The following C17orf99 variants were observed in gnomAD, a reference collection of about 807,000 sequenced individuals.
C17orf99 encodes chromosome 17 open reading frame 99.
A neutral mutation model predicts 22.6 loss-of-function variants in C17orf99; 18 were observed. That is an observed-to-expected ratio of 0.80 (90% CI 0.55 to 1.18). The LOEUF is 1.18. Among genes scored for constraint, C17orf99 ranks in the 50% most tolerant of loss-of-function variants. The pLI, the probability that C17orf99 is intolerant of heterozygous loss-of-function variation, is 0.00. For missense variants in C17orf99, 328 were observed against 342.7 expected, an observed-to-expected ratio of 0.96 and a Z score of 0.34; for synonymous variants, 147 against 136.6, an observed-to-expected ratio of 1.08 and a Z score of -0.53.
At chr17:78,164,856 T>G in intron 4 of C17orf99, 2 of 1,192,528 alleles carry the variant, frequency 1.7e-6, no homozygotes, top group South Asian at 3.2e-5. Flanking sequence ...ATGTGCCTAC[T>G]GAGGCTTACA....
chr17:78,166,023 G>A lies in C17orf99; in HGVS notation c.775G>A (p.Gly259Arg), dbSNP rs1234599044. 3.5e-6 allele frequency: 5 copies of A among 1,421,618 alleles called. No individual in the cohort carries two copies. The highest frequency in any genetic ancestry group is 2.4e-5 in the Admixed American group (1 of 41,728). The allele number at this position is 1,421,618 out of a possible 1,614,324, so 88.1% of individuals were successfully genotyped here. The change falls in exon 5 of 5, where the codon GGA (glycine) becomes AGA (arginine). Residue 259 changes from glycine (G) to arginine (R), a missense_variant. Transcript: ENST00000340363. ...GFRIGNGEVR[G>R]RKAAAM ...CAGGATAGGGAATGGGGAGGTCAGA[G>A]GACGCAAAGCAGCAGCCATGTAGAA...
intron 2 of C17orf99, among the ~76,000 whole-genome samples, chr17:78,147,276 C>T (rs772154378): frequency 8.5e-5 from 13 of 152,160 alleles, no homozygotes; most frequent in Non-Finnish European, 1.0e-4. Flanking sequence ...CAGCTCTGCC[C>T]GGTGGGCGAG....
intron 4 of C17orf99, chr17:78,165,421 T>A: frequency 1.0e-6 from 1 of 985,552 alleles, no homozygotes; most frequent in Non-Finnish European, 1.2e-6. Context: ...TTTTTCCTTC[T>A]GTAAAATGGG....
chr17:78,164,422 C>G, intron 4 of C17orf99, 58 bp downstream of exon 4: 1 of 1,550,660 alleles, frequency 6.4e-7, no homozygotes, highest in South Asian at 1.2e-5. Context: ...CGGGAGGGTG[C>G]TAGTGTCCAA....
In C17orf99 at chr17:78,146,851, C is replaced by T; in HGVS notation, c.38-28C>T. The stretch of plus-strand genomic sequence containing the variant: ...TGGTCTCCCCTCCACACCAGGCCCT[C>T]TCCTTATCGCCCTTACCTCTCTTAC... On this transcript the variant is annotated intron_variant, in intron 1 of 4. Coordinates refer to ENST00000340363, the MANE Select transcript of C17orf99 (RefSeq NM_001163075.2). The surrounding 1 kb of genome is among the most constrained non-coding windows in gnomAD (Gnocchi z 5.2). 1 of 1,550,674 alleles carries T rather than the reference C, an allele frequency of 6.4e-7. No individual in the cohort carries two copies. The highest frequency in any genetic ancestry group is 1.2e-5 in the South Asian group (1 of 84,016).
intron 2 of C17orf99, among the ~76,000 whole-genome samples, chr17:78,147,732 C>G (rs925428671): frequency 6.6e-6 from 1 of 152,168 alleles, no homozygotes; most frequent in South Asian, 2.1e-4. Context: ...GTAATGATGA[C>G]GCCATTCTCA....
chr17:78,145,791 TC>T (rs1419693251), upstream of C17orf99, among the ~76,000 whole-genome samples: 2 of 142,542 alleles, frequency 1.4e-5, no homozygotes, highest in African/African-American at 2.6e-5. Flanking sequence ...AGCGTGGACA[TC>T]TTTTTTTTTT....
Position 78,164,112 on chromosome 17 carries a change from C to CG in C17orf99, c.391dup (p.Ala131GlyfsTer86), listed in dbSNP as rs1162593294. The CG allele has an allele frequency of 6.4e-5, 100 of 1,551,698 alleles. No individual in the cohort carries two copies. The highest frequency in any genetic ancestry group is 8.5e-5 in the Non-Finnish European group (98 of 1,147,002). On this transcript the variant is annotated frameshift_variant, in exon 4 of 5. Transcript: ENST00000340363. LOFTEE classifies it high-confidence loss of function. ...CCTGCCAGAGCCAGTGTCTGAGCTG[C>CG]GGGCCAACTTCACTCTGCAGGACAG...
intron 4 of C17orf99, chr17:78,165,561 G>C (rs1018819879): frequency 1.3e-5 from 13 of 990,304 alleles, no homozygotes; most frequent in African/African-American, 1.7e-5. Flanking sequence ...TCAGCACTTT[G>C]GGAGGCTGAG....
chr17:78,161,126 C>T lies in C17orf99; in HGVS notation c.242C>T (p.Ala81Val). The T allele has an allele frequency of 1.3e-6, 2 of 1,551,808 alleles. No individual in the cohort carries two copies. The highest frequency in any genetic ancestry group is 1.2e-5 in the South Asian group (1 of 84,068). Residue 81 changes from alanine (A) to valine (V), a missense_variant, in exon 3 of 5, where the codon GCC (alanine) becomes GTC (valine). By Grantham distance (64) the Ala-to-Val change is moderately conservative. Transcript: ENST00000340363. ...AKKVVKTHEP[A>V]SFNLNVTLKS... Reference sequence around the variant, plus strand: ...AAGGTGGTGAAGACCCACGAGCCGGCCTCCTTCAACCTCAACGTCACACTC... The same window carrying T: ...AAGGTGGTGAAGACCCACGAGCCGGTCTCCTTCAACCTCAACGTCACACTC...
intron 3 of C17orf99, among the ~76,000 whole-genome samples, chr17:78,162,764 G>C (rs1201375603): frequency 1.3e-5 from 2 of 152,198 alleles, no homozygotes; most frequent in Non-Finnish European, 2.9e-5. Context: ...GGACCACAGA[G>C]TGATACTCTG....
chr17:78,157,463 G>T, intron 2 of C17orf99: 1 of 1,310,496 alleles, frequency 7.6e-7, no homozygotes, highest in Non-Finnish European at 1.0e-6. Context: ...GAGATGCAGG[G>T]CCTCAGCGAC....
At chr17:78,165,854 G>T in intron 4 of C17orf99, 35 bp from the exon 5 acceptor site, 1 of 1,291,208 alleles carries the variant, frequency 7.7e-7, no homozygotes, top group Non-Finnish European at 9.9e-7. Flanking sequence ...TGGGAGGTGA[G>T]CCTGCCTGAC....
rs75943924 is a variant in C17orf99 at position 78,164,057 on chromosome 17, C to T, written c.371-38C>T. 5.5e-5 allele frequency: 84 copies of T among 1,525,348 alleles called. No individual in the cohort carries two copies. In the African/African-American group the frequency reaches 8.5e-4, roughly 15 times the overall value. 94.5% of individuals were successfully genotyped at this position (1,525,348 alleles called of 1,614,324 possible). A position where few individuals can be genotyped will look rare whatever the true frequency, so the allele number is the denominator to read the frequency against. ...ACTGAGGAGGAGGGGTTTAAAACCG[C>T]TCAGCCATGCCTGTGCTACCTTCTC... On this transcript the variant is annotated intron_variant, in intron 3 of 4. Transcript: ENST00000340363.
Position 78,146,757 on chromosome 17 carries a change from G to T in C17orf99, c.38-122G>T, listed in dbSNP as rs1163997254. The T allele has an allele frequency of 1.1e-6, 1 of 935,680 alleles. No homozygotes were observed. Among genetic ancestry groups the T allele is most frequent in the Non-Finnish European group, 1.7e-6 (1 of 596,598 alleles). The allele number at this position is 935,680 out of a possible 1,614,324, so 58.0% of individuals were successfully genotyped here. On this transcript the variant is annotated intron_variant, in intron 1 of 4. Transcript: ENST00000340363. This position sits in a 1 kb window ranked among gnomAD's most constrained non-coding sequence, Gnocchi z 5.2. ...GAGTGATGGTGCCAGCTGAGTCCTG[G>T]GGCCTCACTACCAAGAATCAGCCTG...
upstream of C17orf99, chr17:78,146,337 C>T: frequency 7.0e-7 from 1 of 1,428,532 alleles, no homozygotes; most frequent in Non-Finnish European, 9.6e-7. This position sits in a 1 kb window ranked among gnomAD's most constrained non-coding sequence, Gnocchi z 5.2. Flanking sequence ...ATCCCAGGGG[C>T]CTCAGGGTGG....
rs1460799915 is a variant in C17orf99 at position 78,164,258 on chromosome 17, G to T, written c.534G>T (p.Gln178His). 1 of 1,551,500 alleles carries T rather than the reference G, an allele frequency of 6.4e-7. No individual in the cohort carries two copies. Among genetic ancestry groups the T allele is most frequent in the South Asian group, 1.2e-5 (1 of 84,070 alleles). Residue 178 changes from glutamine to histidine, a missense_variant, in exon 4 of 5, where the codon CAG becomes CAT. Physicochemically the swap from Gln to His is conservative, Grantham distance 24. Transcript: ENST00000340363. Reference sequence around the variant, plus strand: ...TGCAGCAGAGACCATGCCACAGGCAGCCTGCCAACTTCTCCTTCCTGCCGA... The same window carrying T: ...TGCAGCAGAGACCATGCCACAGGCATCCTGCCAACTTCTCCTTCCTGCCGA... ...VHLQQRPCHR[Q>H]PANFSFLPSQ...
At chr17:78,146,126 T>C (rs527488372), upstream of C17orf99, among the ~76,000 whole-genome samples, 5 of 152,128 alleles carry the variant, frequency 3.3e-5, no homozygotes, top group Non-Finnish European at 7.4e-5. This position sits in a 1 kb window ranked among gnomAD's most constrained non-coding sequence, Gnocchi z 5.2. Context: ...GAGCCCGGGA[T>C]CCTGCGGCTC....
intron 2 of C17orf99, among the ~76,000 whole-genome samples, chr17:78,155,870 A>AT (rs2075521326): frequency 6.6e-6 from 1 of 151,104 alleles, no homozygotes; most frequent in African/African-American, 2.4e-5. Context: ...CAGGTGATCC[A>AT]CCTGCCTCGG....
Sources: allele counts gnomAD v4.1 joint callset (sites outside exome capture counted in the v4.1 genomes callset), GRCh38; gene constraint gnomAD v4.1.1; non-coding constraint Gnocchi (gnomAD v3.1); transcripts MANE v1.5; gene names NCBI Gene and HGNC (gene_info 2026-07-23, HGNC 2026-07-21).